MTMR12: variants seen among roughly 807,000 people sequenced by gnomAD.
MTMR12 encodes myotubularin related protein 12, also known as myotubularin-related protein 12.
A neutral mutation model predicts 96.7 loss-of-function variants in MTMR12; 33 were observed. That is an observed-to-expected ratio of 0.34 (90% CI 0.26 to 0.46). The LOEUF (loss-of-function observed/expected upper bound fraction) is 0.46, where lower values mean the gene tolerates loss of function less well. Among genes scored for constraint, MTMR12 ranks in the 20% least tolerant of loss-of-function variants. The pLI is 1.00. For synonymous variants in MTMR12, 298 were observed against 327.2 expected (o/e 0.91, Z 0.96); for missense variants, 721 against 896.1 (o/e 0.80, Z 2.49).
chr5:32,241,615 A>G (rs1198117318), intron 12 of MTMR12, among the ~76,000 whole-genome samples: 1 of 152,232 alleles, frequency 6.6e-6, no homozygotes, highest in East Asian at 1.9e-4. Context: ...AGTTAAGCCC[A>G]CTGAGGAAAA....
At chr5:32,293,063 T>C (rs915835758) in intron 1 of MTMR12, among the ~76,000 whole-genome samples, 4 of 152,202 alleles carry the variant, frequency 2.6e-5, no homozygotes, top group African/African-American at 7.2e-5. Context: ...GTATGAAGGA[T>C]AGTTGTGTTA....
At chr5:32,235,204 C>T in intron 13 of MTMR12, 75 bp from the exon 14 acceptor site, 1 of 1,409,170 alleles carries the variant, frequency 7.1e-7, no homozygotes, top group Non-Finnish European at 9.6e-7. Context: ...GGGCAGCCAC[C>T]TCAACAGCTG....
At chr5:32,241,464 T>C (rs1748472851) in intron 12 of MTMR12, among the ~76,000 whole-genome samples, 1 of 152,222 alleles carries the variant, frequency 6.6e-6, no homozygotes, top group Non-Finnish European at 1.5e-5. Flanking sequence ...TAATTTATAG[T>C]GTGGGGCTAA....
chr5:32,252,877 G>A (rs1474001408), intron 8 of MTMR12, among the ~76,000 whole-genome samples: 1 of 152,172 alleles, frequency 6.6e-6, no homozygotes, highest in East Asian at 1.9e-4. Context: ...GTGTAAATAT[G>A]AGTAGGTTCA....
chr5:32,292,768 C>A (rs1750781200), intron 1 of MTMR12, among the ~76,000 whole-genome samples: 1 of 150,902 alleles, frequency 6.6e-6, no homozygotes, highest in African/African-American at 2.4e-5. Context: ...GGAAAAAAAA[C>A]CACGACCTGC....
At chr5:32,264,241 A>G (rs1379207221) in intron 6 of MTMR12, among the ~76,000 whole-genome samples, 1 of 152,208 alleles carries the variant, frequency 6.6e-6, no homozygotes, top group Non-Finnish European at 1.5e-5. Flanking sequence ...GTATTTATAC[A>G]TATACCACAA....
chr5:32,287,295 G>T (rs1277385999), intron 1 of MTMR12, among the ~76,000 whole-genome samples: 1 of 152,134 alleles, frequency 6.6e-6, no homozygotes, highest in Non-Finnish European at 1.5e-5. Flanking sequence ...TAATCTGGTG[G>T]ACCAATCTAA....
chr5:32,290,150 T>G (rs532508045), intron 1 of MTMR12, among the ~76,000 whole-genome samples: 2 of 152,352 alleles, frequency 1.3e-5, no homozygotes, highest in East Asian at 3.9e-4. Flanking sequence ...TTCCTGTCCA[T>G]GAGGCCCACC....
chr5:32,271,511 A>G (rs1246289125), intron 4 of MTMR12, among the ~76,000 whole-genome samples: 1 of 152,160 alleles, frequency 6.6e-6, no homozygotes, highest in Non-Finnish European at 1.5e-5. Context: ...AATACAACAG[A>G]CCTTTTTATC....
rs1748069961 is a variant in MTMR12 at position 32,233,226 on chromosome 5, A to G, written c.1674+547T>C. ...ACTAAGGCTCCTTTTTTTTTTTTCA[A>G]GTAAAGGAATAAAGAATGGCTACTC... On this transcript the variant is annotated intron_variant, in intron 15 of 15. Transcript: ENST00000382142. This position sits in a 1 kb window ranked among gnomAD's most constrained non-coding sequence, Gnocchi z 5.0. Among the ~76,000 whole-genome samples, 1 of 150,172 alleles carries G rather than the reference A, an allele frequency of 6.7e-6. No homozygotes were observed. Among genetic ancestry groups the G allele is most frequent in the Non-Finnish European group, 1.5e-5 (1 of 67,168 alleles).
chr5:32,271,143 A>G (rs145161075), intron 4 of MTMR12, among the ~76,000 whole-genome samples, 196 bp from the exon 5 acceptor site: 26 of 152,368 alleles, frequency 1.7e-4, no homozygotes, highest in African/African-American at 5.8e-4. Flanking sequence ...GAGAGCAGTC[A>G]GCGTGCTTCA....
chr5:32,228,612 TATATG>T lies in MTMR12; in HGVS notation c.*1161_*1165del. The T allele has an allele frequency of 7.0e-6, 1 of 143,090 alleles. No individual in the cohort carries two copies. Among genetic ancestry groups the T allele is most frequent in the Non-Finnish European group, 1.5e-5 (1 of 65,894 alleles). 8.9% of individuals were successfully genotyped at this position (143,090 alleles called of 1,614,324 possible). On this transcript the variant is annotated 3_prime_UTR_variant, in exon 16 of 16. Coordinates refer to ENST00000382142, the MANE Select transcript of MTMR12 (RefSeq NM_001040446.3). The stretch of plus-strand genomic sequence containing the variant: ...ATGTGATATATATATATATATCATA[TATATG>T]ATATATATATATCACATATATATCA...
chr5:32,239,309 T>A (rs993192831), intron 12 of MTMR12, 136 bp from the exon 13 acceptor site: 1 of 907,314 alleles, frequency 1.1e-6, no homozygotes, highest in Non-Finnish European at 1.5e-6. Context: ...ATGTTCTTAT[T>A]CCCTAAAGGC....
At chr5:32,237,244 A>G (rs1474682775) in intron 13 of MTMR12, among the ~76,000 whole-genome samples, 1 of 152,220 alleles carries the variant, frequency 6.6e-6, no homozygotes, top group Non-Finnish European at 1.5e-5. Context: ...TGATTAAAGA[A>G]AGTTTGTGTG....
chr5:32,229,887 T>C lies in MTMR12; in HGVS notation c.2135A>G (p.Gln712Arg). ...LSSLFPFALL[Q>R]RHSSKPVLPT... Reference sequence around the variant, plus strand: ...TAAGACGGGCTTAGAGGAATGTCGCTGGAGCAGAGCGAAAGGAAACAAAGA... The same window carrying C: ...TAAGACGGGCTTAGAGGAATGTCGCCGGAGCAGAGCGAAAGGAAACAAAGA... Residue 712 changes from glutamine (Q) to arginine (R), a missense_variant, in exon 16 of 16, where the codon CAG (glutamine) becomes CGG (arginine). Physicochemically the swap from Gln to Arg is conservative, Grantham distance 43. Coordinates refer to ENST00000382142, the MANE Select transcript of MTMR12 (RefSeq NM_001040446.3). 1 of 1,613,052 alleles carries C rather than the reference T, an allele frequency of 6.2e-7. No individual in the cohort carries two copies. The highest frequency in any genetic ancestry group is 2.2e-5 in the East Asian group (1 of 44,866).
intron 8 of MTMR12, among the ~76,000 whole-genome samples, chr5:32,250,310 G>T (rs993068851): frequency 6.6e-6 from 1 of 152,206 alleles, no homozygotes; most frequent in African/African-American, 2.4e-5. Context: ...TGCAGTGGGG[G>T]AGCTGATGAG....
intron 1 of MTMR12, among the ~76,000 whole-genome samples, chr5:32,293,222 T>C (rs768461112): frequency 5.3e-5 from 8 of 152,180 alleles, no homozygotes; most frequent in Non-Finnish European, 1.0e-4. Context: ...ATACAAAATA[T>C]TGATCCTGGG....
chr5:32,257,650 T>G (rs1224978887), intron 7 of MTMR12, among the ~76,000 whole-genome samples: 1 of 151,972 alleles, frequency 6.6e-6, no homozygotes, highest in African/African-American at 2.4e-5. Flanking sequence ...GTGCCTGTAA[T>G]CCCAGCTACT....
In MTMR12 at chr5:32,227,458, T is replaced by C. The variant is rs560477848; in HGVS notation, c.*2320A>G. 2 of 152,802 alleles carry C rather than the reference T, an allele frequency of 1.3e-5. No homozygotes were observed. Among genetic ancestry groups the C allele is most frequent in the South Asian group, 2.1e-4 (1 of 4,834 alleles). The allele number at this position is 152,802 out of a possible 1,614,324, so 9.5% of individuals were successfully genotyped here. A position where few individuals can be genotyped will look rare whatever the true frequency, so the allele number is the denominator to read the frequency against. ...CACGTTACAACAGCTTATTTTTCTA[T>C]TGTAATTTTAAAAAATCATAGAAAA... On this transcript the variant is annotated 3_prime_UTR_variant, in exon 16 of 16. Transcript: ENST00000382142.
Sources: allele counts gnomAD v4.1 joint callset (sites outside exome capture counted in the v4.1 genomes callset), GRCh38; gene constraint gnomAD v4.1.1; non-coding constraint Gnocchi (gnomAD v3.1); transcripts MANE v1.5; gene names NCBI Gene and HGNC (gene_info 2026-07-23, HGNC 2026-07-21).